The following PSORS1C1 variants were observed in gnomAD, a reference collection of about 807,000 sequenced individuals.
PSORS1C1 encodes the protein psoriasis susceptibility 1 candidate gene 1 protein.
A neutral mutation model predicts 9.4 loss-of-function variants in PSORS1C1; 7 were observed. That is an observed-to-expected ratio of 0.75 (90% CI 0.42 to 1.40). The LOEUF is 1.40. Ranked by LOEUF, PSORS1C1 falls within the 40% of genes most tolerant of loss-of-function variation. The pLI is 0.01. For missense variants in PSORS1C1, 146 were observed against 178.1 expected, an observed-to-expected ratio of 0.82 and a Z score of 1.02; for synonymous variants, 63 against 69.4, an observed-to-expected ratio of 0.91 and a Z score of 0.46.
intron 1 of PSORS1C1, among the ~76,000 whole-genome samples, chr6:31,122,437 G>A (rs1772502945): frequency 6.6e-6 from 1 of 152,132 alleles, no homozygotes; most frequent in African/African-American, 2.4e-5. Flanking sequence ...TTCCTGCCTT[G>A]TATAGAGGTG....
chr6:31,127,561 A>AATTATT (rs9257056), intron 2 of PSORS1C1, among the ~76,000 whole-genome samples: 7,002 of 141,538 alleles, frequency 0.049, 407 homozygotes, highest in South Asian at 0.29. Context: ...AGGAGACAGG[A>AATTATT]ATTATTATTA....
intron 1 of PSORS1C1, chr6:31,117,252 A>T: frequency 6.2e-7 from 1 of 1,611,304 alleles, no homozygotes; most frequent in Non-Finnish European, 8.5e-7. Flanking sequence ...GACTAGAGCC[A>T]GATCCGGAGG....
chr6:31,127,879 G>A (rs997830198), intron 2 of PSORS1C1, among the ~76,000 whole-genome samples: 12 of 152,042 alleles, frequency 7.9e-5, no homozygotes, highest in Admixed American at 2.6e-4. Context: ...CCTAAGCTGC[G>A]TCACACCATT....
At chr6:31,127,367 A>G (rs903834747) in intron 2 of PSORS1C1, among the ~76,000 whole-genome samples, 1 of 152,104 alleles carries the variant, frequency 6.6e-6, no homozygotes, top group African/African-American at 2.4e-5. Flanking sequence ...CCCAGCACAC[A>G]GAGGTGACCA....
intron 3 of PSORS1C1, among the ~76,000 whole-genome samples, chr6:31,137,253 G>A (rs1400367521): frequency 1.3e-5 from 2 of 152,134 alleles, no homozygotes; most frequent in Admixed American, 6.5e-5. Flanking sequence ...TCAGGAGATC[G>A]AGACCACTCT....
intron 1 of PSORS1C1, chr6:31,120,518 A>G: frequency 9.3e-7 from 1 of 1,078,982 alleles, no homozygotes; most frequent in Non-Finnish European, 1.4e-6. Flanking sequence ...CTGTGGGGAG[A>G]GGAGGAGAGG....
At chr6:31,138,357 AG>A in intron 3 of PSORS1C1, 72 bp from the exon 4 acceptor site, 1 of 1,525,888 alleles carries the variant, frequency 6.6e-7, no homozygotes, top group South Asian at 1.1e-5. Context: ...TTCTCTCCCC[AG>A]CCCCACCCAG....
chr6:31,133,525 C>G (rs1315989286), intron 3 of PSORS1C1: 1 of 152,392 alleles, frequency 6.6e-6, no homozygotes, highest in East Asian at 1.9e-4. Flanking sequence ...GGTCCATCCT[C>G]CAGACACACT....
intron 1 of PSORS1C1, chr6:31,118,520 C>T (rs1355848378): frequency 6.6e-6 from 1 of 152,632 alleles, no homozygotes; most frequent in African/African-American, 2.4e-5. Context: ...CTCTGTCCAG[C>T]CCCTCATCTG....
intron 2 of PSORS1C1, among the ~76,000 whole-genome samples, chr6:31,127,219 T>C (rs1012035324): frequency 1.3e-5 from 2 of 152,104 alleles, no homozygotes; most frequent in African/African-American, 4.8e-5. Context: ...GGGCTGGCCC[T>C]TGGAGCGCCT....
chr6:31,121,342 G>A (rs1302294520), intron 1 of PSORS1C1, among the ~76,000 whole-genome samples: 2 of 152,192 alleles, frequency 1.3e-5, no homozygotes, highest in South Asian at 2.1e-4. Context: ...GGAAGGTGGT[G>A]GCCCCATAGC....
chr6:31,136,323 G>C (rs3094666), intron 3 of PSORS1C1, among the ~76,000 whole-genome samples: 56,685 of 148,870 alleles, frequency 0.38, 12,307 homozygotes, highest in African/African-American at 0.6. Flanking sequence ...GGAGGCGAAG[G>C]TTGCAGTGAG....
At chr6:31,137,923 TG>T in intron 3 of PSORS1C1, 2 of 1,235,800 alleles carry the variant, frequency 1.6e-6, no homozygotes, top group Non-Finnish European at 2.2e-6. Flanking sequence ...TGGAGATGCC[TG>T]GGAACAGAAC....
rs1269792565 is a variant in PSORS1C1 at position 31,114,855 on chromosome 6, G to A, written c.-265G>A. The A allele has an allele frequency of 1.1e-5, 5 of 454,782 alleles. No individual in the cohort carries two copies. In the East Asian group the frequency reaches 2.1e-4, roughly 19 times the overall value. 28.2% of individuals were successfully genotyped at this position (454,782 alleles called of 1,614,324 possible). A position where few individuals can be genotyped will look rare whatever the true frequency, so the allele number is the denominator to read the frequency against. On this transcript the variant is annotated 5_prime_UTR_variant, in exon 1 of 6. Coordinates refer to ENST00000259881, the MANE Select transcript of PSORS1C1 (RefSeq NM_014068.3). ...AGGTGTCCCAGAAACCCAGGAAATC[G>A]AGACTCATGACTCCCAGAGAGGATG...
In PSORS1C1 at chr6:31,115,051, G is replaced by C; in HGVS notation, c.-229+160G>C. Reference sequence around the variant, plus strand: ...TTTCCTGGAGCAATGAGAGAGGAGGGAAATGGCGGAAGGATCTGGGAGGCC... The same window carrying C: ...TTTCCTGGAGCAATGAGAGAGGAGGCAAATGGCGGAAGGATCTGGGAGGCC... On this transcript the variant is annotated intron_variant, in intron 1 of 5. Transcript: ENST00000259881. The surrounding 1 kb of genome is among the most constrained non-coding windows in gnomAD (Gnocchi z 4.2). The C allele has an allele frequency of 2.7e-6, 1 of 364,042 alleles. No individual in the cohort carries two copies. The highest frequency in any genetic ancestry group is 7.6e-5 in the East Asian group (1 of 13,114). The allele number at this position is 364,042 out of a possible 1,614,324, so 22.6% of individuals were successfully genotyped here.
chr6:31,139,113 G>T lies in PSORS1C1; in HGVS notation c.167+334G>T. On this transcript the variant is annotated intron_variant, in intron 5 of 5. Transcript: ENST00000259881. This position sits in a 1 kb window ranked among gnomAD's most constrained non-coding sequence, Gnocchi z 5.2. ...GGCTTTATAGGGGAGGAGTGGAGGAGGGACCAGCCCAGTGGCACAGGAATA... is the reference window on the plus strand; with the variant it reads ...GGCTTTATAGGGGAGGAGTGGAGGATGGACCAGCCCAGTGGCACAGGAATA... 1 of 1,145,382 alleles carries T rather than the reference G, an allele frequency of 8.7e-7. No individual in the cohort carries two copies. The highest frequency in any genetic ancestry group is 2.4e-5 in the East Asian group (1 of 42,094). The allele number at this position is 1,145,382 out of a possible 1,614,324, so 71.0% of individuals were successfully genotyped here. A position where few individuals can be genotyped will look rare whatever the true frequency, so the allele number is the denominator to read the frequency against.
At chr6:31,120,381 A>C (rs1417364603) in intron 1 of PSORS1C1, 2 of 1,593,068 alleles carry the variant, frequency 1.3e-6, no homozygotes, top group Non-Finnish European at 1.7e-6. Context: ...TCCCGTGCCC[A>C]CCCACACGCC....
Position 31,138,748 on chromosome 6 carries a change from CTT to C in PSORS1C1, c.138_139del (p.Cys47ProfsTer30). 1.2e-6 allele frequency: 2 copies of C among 1,614,148 alleles called. No individual in the cohort carries two copies. The highest frequency in any genetic ancestry group is 1.7e-6 in the Non-Finnish European group (2 of 1,180,020). On this transcript the variant is annotated frameshift_variant, in exon 5 of 6. Coordinates refer to ENST00000259881, the MANE Select transcript of PSORS1C1 (RefSeq NM_014068.3). LOFTEE classifies it low-confidence loss of function (END_TRUNC). ...TCCCCCCCACGTTAATCCTGACCGA[CTT>C]TGCCACATGGAGCCAGCAAACCATT... is the stretch of plus-strand genomic sequence containing the variant. Reference protein sequence around the residue: ...TRPPHVNPDRLCHMEPANHFW... With the variant: ...TRPPHVNPDRXCHMEPANHFW...
intron 1 of PSORS1C1, among the ~76,000 whole-genome samples, chr6:31,122,981 T>C (rs3823406): frequency 0.025 from 3,835 of 152,196 alleles, 124 homozygotes; most frequent in African/African-American, 0.074. Context: ...AGCGGAACAG[T>C]GGAATCTGTG....
Sources: allele counts gnomAD v4.1 joint callset (sites outside exome capture counted in the v4.1 genomes callset), GRCh38; gene constraint gnomAD v4.1.1; non-coding constraint Gnocchi (gnomAD v3.1); transcripts MANE v1.5; gene names NCBI Gene and HGNC (gene_info 2026-07-23, HGNC 2026-07-21).